The following RABEP2 variants were observed in gnomAD, a reference collection of about 807,000 sequenced individuals.
The protein encoded by RABEP2 is rabaptin, RAB GTPase binding effector protein 2.
In RABEP2, 57 loss-of-function variants were observed where a neutral mutation model predicts 74.1. That is an observed-to-expected ratio of 0.77 (90% CI 0.62 to 0.96). The LOEUF (loss-of-function observed/expected upper bound fraction) is 0.96. Ranked by LOEUF, RABEP2 falls within the 40% of genes least tolerant of loss-of-function variation. RABEP2 has a pLI of 0.00. For missense variants in RABEP2, 692 were observed against 756.3 expected, an observed-to-expected ratio of 0.91 and a Z score of 1.00; for synonymous variants, 351 against 344.0, an observed-to-expected ratio of 1.02 and a Z score of -0.23.
At chr16:28,909,656 G>A (rs1964284030) in intron 7 of RABEP2, among the ~76,000 whole-genome samples, 1 of 151,936 alleles carries the variant, frequency 6.6e-6, no homozygotes, top group East Asian at 1.9e-4. Context: ...TGAGGCTTCA[G>A]TGAGCTCTGA....
Position 28,919,887 on chromosome 16 carries a change from G to A in RABEP2, c.331C>T (p.Gln111Ter). 1 of 1,608,752 alleles carries A rather than the reference G, an allele frequency of 6.2e-7. No individual in the cohort carries two copies. The highest frequency in any genetic ancestry group is 8.5e-7 in the Non-Finnish European group (1 of 1,176,802). The part of the protein sequence containing the change: ...ITALKQERQQ[Q>*]QQDCEEKERE... The stretch of plus-strand genomic sequence containing the variant: ...TCCTTCTCCTCACAGTCCTGCTGCT[G>A]CTGCTGTCGCTCCTGCTTCAGGGCG... Residue 111 changes from glutamine to a stop codon, truncating the protein, a stop_gained, in exon 3 of 13, where the codon CAG becomes TAG. Coordinates refer to ENST00000358201, the MANE Select transcript of RABEP2 (RefSeq NM_024816.3). LOFTEE classifies it high-confidence loss of function.
rs375723636 is a variant in RABEP2 at position 28,911,131 on chromosome 16, C to G, written c.943G>C (p.Glu315Gln). The change falls in exon 6 of 13, where the codon GAG becomes CAG. Residue 315 changes from glutamate (E) to glutamine (Q), a missense_variant. Transcript: ENST00000358201. ...DLESVSRERD[E>Q]LQEGLRRSNE... ...CTCCGTCTCAGGCCCTCTTGGAGCT[C>G]GTCCCGCTCGCGACTGACGCTCTCC... is the stretch of plus-strand genomic sequence containing the variant. 1.2e-6 allele frequency: 2 copies of G among 1,612,904 alleles called. No individual in the cohort carries two copies. The highest frequency in any genetic ancestry group is 2.2e-5 in the South Asian group (2 of 91,082).
rs779109266 is a variant in RABEP2, at chr16:28,914,798, T to C, written c.433-16A>G. The C allele has an allele frequency of 6.2e-7, 1 of 1,611,022 alleles. No homozygotes were observed. Among genetic ancestry groups the C allele is most frequent in the Admixed American group, 1.7e-5 (1 of 59,782 alleles). ...CCTCGTGGGCCTGGAGGGAGCGGGG[T>C]GTGGCAGCAATAGTTCCCCCTCCAA... On this transcript the variant is annotated splice_polypyrimidine_tract_variant and intron_variant, in intron 3 of 12. Transcript: ENST00000358201.
intron 8 of RABEP2, 146 bp from the exon 9 acceptor site, chr16:28,906,342 C>T: frequency 2.7e-6 from 3 of 1,124,224 alleles, no homozygotes; most frequent in Non-Finnish European, 3.7e-6. Flanking sequence ...GCCCAAAATG[C>T]CCATCATCTG....
intron 7 of RABEP2, 199 bp downstream of exon 7, chr16:28,910,689 T>G: frequency 1.8e-6 from 1 of 560,450 alleles, no homozygotes; most frequent in African/African-American, 1.9e-5. Context: ...CAGCTCTGTG[T>G]GGCTGCAGGG....
intron 12 of RABEP2, 72 bp downstream of exon 12, chr16:28,905,325 G>T: frequency 8.9e-7 from 1 of 1,117,388 alleles, no homozygotes; most frequent in Non-Finnish European, 1.3e-6. Flanking sequence ...CCAGGGAACT[G>T]TCCTTGCAAG....
At chr16:28,909,762 C>T (rs1198698609) in intron 7 of RABEP2, among the ~76,000 whole-genome samples, 2 of 151,186 alleles carry the variant, frequency 1.3e-5, no homozygotes, top group African/African-American at 4.9e-5. Flanking sequence ...CAGTGGCTTA[C>T]GCCTGTAATC....
chr16:28,910,875 C>G lies in RABEP2; in HGVS notation c.1089+13G>C. 1 of 1,605,578 alleles carries G rather than the reference C, an allele frequency of 6.2e-7. No homozygotes were observed. Among genetic ancestry groups the G allele is most frequent in the Non-Finnish European group, 8.5e-7 (1 of 1,176,722 alleles). On this transcript the variant is annotated intron_variant, in intron 7 of 12. Transcript: ENST00000358201. Reference sequence around the variant, plus strand: ...CTCCTCGCCCTCCTGCCCTAGGGCCCCCAGGTACTCACCATCTGCAGCTGC... The same window carrying G: ...CTCCTCGCCCTCCTGCCCTAGGGCCGCCAGGTACTCACCATCTGCAGCTGC...
At chr16:28,906,244 G>A in intron 8 of RABEP2, 48 bp from the exon 9 acceptor site, 1 of 1,495,446 alleles carries the variant, frequency 6.7e-7, no homozygotes, top group African/African-American at 1.4e-5. Context: ...AGGAGGGCAG[G>A]AGGGCAGGGG....
chr16:28,913,473 T>C (rs1452303147), intron 5 of RABEP2, among the ~76,000 whole-genome samples: 1 of 152,180 alleles, frequency 6.6e-6, no homozygotes, highest in African/African-American at 2.4e-5. Context: ...TCATTTTTTG[T>C]ATCACATTAT....
Position 28,904,579 on chromosome 16 carries a change from C to A in RABEP2, c.*364G>T. ...CCCAGGGCCGGGGCCCACCTCACTG[C>A]CTCTGATGGGGACTCCCAGCCCCCA... On this transcript the variant is annotated 3_prime_UTR_variant, in exon 13 of 13. Coordinates refer to ENST00000358201, the MANE Select transcript of RABEP2 (RefSeq NM_024816.3). The A allele has an allele frequency of 7.6e-7, 1 of 1,311,340 alleles. No individual in the cohort carries two copies. Among genetic ancestry groups the A allele is most frequent in the Non-Finnish European group, 1.0e-6 (1 of 987,122 alleles). 81.2% of individuals were successfully genotyped at this position (1,311,340 alleles called of 1,614,324 possible). A position where few individuals can be genotyped will look rare whatever the true frequency, so the allele number is the denominator to read the frequency against.
intron 5 of RABEP2, among the ~76,000 whole-genome samples, chr16:28,912,727 G>A (rs1013024051): frequency 1.1e-4 from 16 of 152,042 alleles, no homozygotes; most frequent in Non-Finnish European, 1.5e-5. Context: ...GTGAGCTTTT[G>A]AAAGCCTGGA....
At chr16:28,909,366 C>G (rs984704721) in intron 7 of RABEP2, among the ~76,000 whole-genome samples, 1 of 152,070 alleles carries the variant, frequency 6.6e-6, no homozygotes, top group African/African-American at 2.4e-5. Flanking sequence ...TGTGAGCCAC[C>G]GTGCCCGGCC....
rs1327549209 is a variant in RABEP2 at position 28,914,705 on chromosome 16, C to T, written c.510G>A (p.Leu170=). 6.2e-7 allele frequency: 1 copy of T among 1,614,212 alleles called. No individual in the cohort carries two copies. Among genetic ancestry groups the T allele is most frequent in the Admixed American group, 1.7e-5 (1 of 60,026 alleles). The part of the protein sequence containing the change: ...EKEIEELKAK[L]LRAEELIQEI... ...CCTGAATCAGCTCCTCGGCCCTCAGCAGCTTCGCCTTCAGCTCCTCGATCT... is the reference window on the plus strand; with the variant it reads ...CCTGAATCAGCTCCTCGGCCCTCAGTAGCTTCGCCTTCAGCTCCTCGATCT... Residue 170 remains leucine (L), a synonymous_variant, in exon 4 of 13, where the codon CTG becomes CTA. Transcript: ENST00000358201.
In RABEP2 at chr16:28,907,420, G is replaced by A. The variant is rs369328156; in HGVS notation, c.1245+1189C>T. Among the ~76,000 whole-genome samples, 19 of 152,118 alleles carry A rather than the reference G, an allele frequency of 1.2e-4. No homozygotes were observed. The East Asian group carries it at 1.9e-3, about 16-fold the overall frequency. ...TGATCCTCCTGCCTCAGGCTCCTAAGTAGCTGGGACTATAGGCGCAAGCCA... is the reference window on the plus strand; with the variant it reads ...TGATCCTCCTGCCTCAGGCTCCTAAATAGCTGGGACTATAGGCGCAAGCCA... On this transcript the variant is annotated intron_variant, in intron 8 of 12. Transcript: ENST00000358201.
At chr16:28,910,118 G>T (rs975642118) in intron 7 of RABEP2, among the ~76,000 whole-genome samples, 3 of 151,912 alleles carry the variant, frequency 2.0e-5, no homozygotes, top group African/African-American at 7.3e-5. Context: ...CTGGCAGCAG[G>T]GAACCTGTGT....
chr16:28,913,327 G>A (rs1392413516), intron 5 of RABEP2, among the ~76,000 whole-genome samples: 2 of 152,032 alleles, frequency 1.3e-5, no homozygotes, highest in African/African-American at 4.8e-5. Context: ...TATCCTATAA[G>A]CCCAGTTTTG....
Position 28,914,666 on chromosome 16 carries a change from C to T in RABEP2, c.543+6G>A. On this transcript the variant is annotated splice_donor_region_variant and intron_variant, in intron 4 of 12. Transcript: ENST00000358201. The stretch of plus-strand genomic sequence containing the variant: ...CTTCCCCAGCGCCCCCTGGCCGTGC[C>T]CTCACCTGGATCTCCTGAATCAGCT... 6.2e-7 allele frequency: 1 copy of T among 1,614,010 alleles called. No individual in the cohort carries two copies. The highest frequency in any genetic ancestry group is 8.5e-7 in the Non-Finnish European group (1 of 1,179,916).
chr16:28,909,512 A>G (rs1480281119), intron 7 of RABEP2, among the ~76,000 whole-genome samples: 2 of 152,140 alleles, frequency 1.3e-5, no homozygotes, highest in African/African-American at 4.8e-5. Context: ...CAGGAGTTTG[A>G]GACCAGCCTG....
Sources: gnomAD v4.1 joint callset for allele counts (sites outside exome capture counted in the v4.1 genomes callset) on GRCh38, gnomAD v4.1.1 for gene constraint, MANE v1.5 for transcripts, NCBI Gene and HGNC (gene_info 2026-07-23, HGNC 2026-07-21) for gene names.